ANKRD23: variants seen among roughly 807,000 people sequenced by gnomAD.
The protein encoded by ANKRD23 is ankyrin repeat domain 23.
A neutral mutation model predicts 38.1 loss-of-function variants in ANKRD23; 52 were observed. The ratio of observed to expected loss-of-function variants is 1.36; its 90% confidence interval spans 1.09 to 1.72. The LOEUF is 1.72. Ranked by LOEUF, ANKRD23 falls within the 40% of genes most tolerant of loss-of-function variation. The pLI is 0.00. For missense variants in ANKRD23, 416 were observed against 400.2 expected, an observed-to-expected ratio of 1.04 and a Z score of -0.34; for synonymous variants, 167 against 162.9, an observed-to-expected ratio of 1.03 and a Z score of -0.19.
chr2:96,839,567 A>T lies in ANKRD23; in HGVS notation c.900T>A (p.His300Gln), dbSNP rs775808923. The change falls in exon 9 of 9, where the codon CAT becomes CAA. Residue 300 changes from histidine to glutamine, a missense_variant. Coordinates refer to ENST00000318357, the MANE Select transcript of ANKRD23 (RefSeq NM_144994.8). ...IREALQAHVA[H>Q]PRTRC ...GCTGCGGTCAGCACCGGGTGCGGGG[A>T]TGCGCCACGTGGGCCTGCAGGGCCT... 4 of 1,463,228 alleles carry T rather than the reference A, an allele frequency of 2.7e-6. No individual in the cohort carries two copies. The highest frequency in any genetic ancestry group is 3.6e-6 in the Non-Finnish European group (4 of 1,111,550). The allele number at this position is 1,463,228 out of a possible 1,614,324, so 90.6% of individuals were successfully genotyped here.
At position 96,842,353 on chromosome 2, in the gene ANKRD23, C is replaced by T. The variant is rs1469128781; in HGVS notation, c.174+12G>A. On this transcript the variant is annotated intron_variant, in intron 2 of 8. Transcript: ENST00000318357. Reference sequence around the variant, plus strand: ...CCACTGCCCCCAACCCCGGCCCCCGCCCCTCTCTCACTTTCTTCTTCTTCT... The same window carrying T: ...CCACTGCCCCCAACCCCGGCCCCCGTCCCTCTCTCACTTTCTTCTTCTTCT... 3.8e-6 allele frequency: 6 copies of T among 1,596,892 alleles called. No individual in the cohort carries two copies. The African/African-American group carries it at 6.8e-5, about 18-fold the overall frequency.
At chr2:96,840,663 C>A in intron 4 of ANKRD23, 124 bp downstream of exon 4, 1 of 1,520,884 alleles carries the variant, frequency 6.6e-7, no homozygotes, top group East Asian at 2.3e-5. Flanking sequence ...TCTGCAGGTG[C>A]CACTGGATTC....
chr2:96,839,535 G>A lies in ANKRD23; in HGVS notation c.*14C>T. The A allele has an allele frequency of 7.0e-7, 1 of 1,430,974 alleles. No individual in the cohort carries two copies. Among genetic ancestry groups the A allele is most frequent in the South Asian group, 1.5e-5 (1 of 66,828 alleles). The allele number at this position is 1,430,974 out of a possible 1,614,324, so 88.6% of individuals were successfully genotyped here. A position where few individuals can be genotyped will look rare whatever the true frequency, so the allele number is the denominator to read the frequency against. Reference sequence around the variant, plus strand: ...GTGGCAGTGCGAAAGGCGCGGCGGGGGGCGGTGCTGCGGTCAGCACCGGGT... The same window carrying A: ...GTGGCAGTGCGAAAGGCGCGGCGGGAGGCGGTGCTGCGGTCAGCACCGGGT... On this transcript the variant is annotated 3_prime_UTR_variant, in exon 9 of 9. Coordinates refer to ENST00000318357, the MANE Select transcript of ANKRD23 (RefSeq NM_144994.8).
chr2:96,842,225 G>A, intron 2 of ANKRD23, 40 bp from the exon 3 acceptor site: 1 of 1,612,970 alleles, frequency 6.2e-7, no homozygotes, highest in East Asian at 2.2e-5. Flanking sequence ...ATCAGCCGCT[G>A]GTCAAGAGAT....
At position 96,840,062 on chromosome 2, in the gene ANKRD23, T is replaced by C; in HGVS notation, c.658A>G (p.Thr220Ala). The C allele has an allele frequency of 6.4e-7, 1 of 1,561,870 alleles. No individual in the cohort carries two copies. The highest frequency in any genetic ancestry group is 8.7e-7 in the Non-Finnish European group (1 of 1,152,522). ...GSTPLHVAVR[T>A]RHPDCLEHLI... Reference sequence around the variant, plus strand: ...TGCTCCAGGCAGTCGGGGTGCCGGGTGCGCACTGCCACGTGCAGGGGGGTG... The same window carrying C: ...TGCTCCAGGCAGTCGGGGTGCCGGGCGCGCACTGCCACGTGCAGGGGGGTG... The change falls in exon 7 of 9, where the codon ACC becomes GCC. Residue 220 changes from threonine to alanine, a missense_variant. Thr to Ala is a moderately conservative substitution (Grantham distance 58, BLOSUM62 0). Transcript: ENST00000318357.
At position 96,840,090 on chromosome 2, in the gene ANKRD23, C is replaced by T. The variant is rs997880916; in HGVS notation, c.630G>A (p.Gly210=). Reference sequence around the variant, plus strand: ...GCACTGCCACGTGCAGGGGGGTGCTCCCGATCTGAGAGCAAGTGGGGGTCA... The same window carrying T: ...GCACTGCCACGTGCAGGGGGGTGCTTCCGATCTGAGAGCAAGTGGGGGTCA... ...GARVNARDKI[G]STPLHVAVRT... The change falls in exon 7 of 9, where the codon GGG becomes GGA. Residue 210 remains glycine, a synonymous_variant. Transcript: ENST00000318357. 6.4e-7 allele frequency: 1 copy of T among 1,555,418 alleles called. No homozygotes were observed. The highest frequency in any genetic ancestry group is 1.7e-4 in the Middle Eastern group (1 of 5,988).
intron 3 of ANKRD23, 36 bp from the exon 4 acceptor site, chr2:96,840,948 A>C (rs1289586863): frequency 6.2e-7 from 1 of 1,607,082 alleles, no homozygotes; most frequent in South Asian, 1.1e-5. Context: ...ATCACTCCCG[A>C]AGGCCGCAGG....
rs1191398450 is a variant in ANKRD23, at chr2:96,838,362, C to T, written c.*1187G>A. The T allele has an allele frequency of 1.2e-5, 12 of 988,034 alleles. No homozygotes were observed. Among genetic ancestry groups the T allele is most frequent in the South Asian group, 4.7e-5 (1 of 21,378 alleles). 61.2% of individuals were successfully genotyped at this position (988,034 alleles called of 1,614,324 possible). ...CTTTCTGGCGTTTAGGGGCCCAGCCCCACCAGCAGTACAGGCCTACACCAG... is the reference window on the plus strand; with the variant it reads ...CTTTCTGGCGTTTAGGGGCCCAGCCTCACCAGCAGTACAGGCCTACACCAG... On this transcript the variant is annotated 3_prime_UTR_variant, in exon 9 of 9. Coordinates refer to ENST00000318357, the MANE Select transcript of ANKRD23 (RefSeq NM_144994.8).
intron 1 of ANKRD23, 28 bp from the exon 2 acceptor site, chr2:96,842,539 T>C: frequency 2.5e-6 from 4 of 1,588,676 alleles, no homozygotes; most frequent in South Asian, 2.3e-5. Flanking sequence ...GAGTACTGAG[T>C]TGGGAAAATT....
intron 3 of ANKRD23, 53 bp downstream of exon 3, chr2:96,842,007 C>G: frequency 6.2e-7 from 1 of 1,611,314 alleles, no homozygotes; most frequent in Non-Finnish European, 8.5e-7. Context: ...AGCCCTTCCT[C>G]TGGAACTGGA....
At position 96,839,324 on chromosome 2, in the gene ANKRD23, T is replaced by C. The variant is rs1574126519; in HGVS notation, c.*225A>G. 5 of 1,248,392 alleles carry C rather than the reference T, an allele frequency of 4.0e-6. No homozygotes were observed. In the East Asian group the frequency reaches 1.6e-4, roughly 39 times the overall value. The allele number at this position is 1,248,392 out of a possible 1,614,324, so 77.3% of individuals were successfully genotyped here. On this transcript the variant is annotated 3_prime_UTR_variant, in exon 9 of 9. Coordinates refer to ENST00000318357, the MANE Select transcript of ANKRD23 (RefSeq NM_144994.8). The stretch of plus-strand genomic sequence containing the variant: ...GCCTTGTGGTCCTCTGCTCCAGCCC[T>C]GGGAGGGAACGCGGCTCCCCTGACA...
At chr2:96,841,680 A>C (rs1263091054) in intron 3 of ANKRD23, among the ~76,000 whole-genome samples, 3 of 151,944 alleles carry the variant, frequency 2.0e-5, no homozygotes, top group Non-Finnish European at 4.4e-5. Context: ...CCCAGCAAAC[A>C]TGAAGGCAAT....
chr2:96,838,878 C>T lies in ANKRD23; in HGVS notation c.*671G>A, dbSNP rs1398561162. On this transcript the variant is annotated 3_prime_UTR_variant, in exon 9 of 9. Coordinates refer to ENST00000318357, the MANE Select transcript of ANKRD23 (RefSeq NM_144994.8). ...TCCTGGACTTCTGTTGCTGTGGGGC[C>T]TCAAACCTGTTGAGTAGCCACCTCA... 1.0e-6 allele frequency: 1 copy of T among 985,398 alleles called. No homozygotes were observed. The highest frequency in any genetic ancestry group is 1.2e-6 in the Non-Finnish European group (1 of 830,004). 61.0% of individuals were successfully genotyped at this position (985,398 alleles called of 1,614,324 possible). A position where few individuals can be genotyped will look rare whatever the true frequency, so the allele number is the denominator to read the frequency against.
chr2:96,841,439 A>G (rs548565914), intron 3 of ANKRD23, among the ~76,000 whole-genome samples: 3 of 152,002 alleles, frequency 2.0e-5, no homozygotes, highest in Admixed American at 6.6e-5. Flanking sequence ...TACTAAAAAT[A>G]CAAAAAAAAA....
chr2:96,842,104 G>C lies in ANKRD23; in HGVS notation c.256C>G (p.Leu86Val), dbSNP rs2153358862. ...ENLVQRRKKRLRHRVPPRKPE... is the reference protein window; with the variant it reads ...ENLVQRRKKRVRHRVPPRKPE... Reference sequence around the variant, plus strand: ...TTCCTGGGGGGGACTCTGTGTCTCAGTCGCTTTTTCCGTCTTTGAACCAAG... The same window carrying C: ...TTCCTGGGGGGGACTCTGTGTCTCACTCGCTTTTTCCGTCTTTGAACCAAG... Residue 86 changes from leucine to valine, a missense_variant, in exon 3 of 9, where the codon CTG (leucine) becomes GTG (valine). Coordinates refer to ENST00000318357, the MANE Select transcript of ANKRD23 (RefSeq NM_144994.8). 6.2e-7 allele frequency: 1 copy of C among 1,614,210 alleles called. No individual in the cohort carries two copies. Among genetic ancestry groups the C allele is most frequent in the East Asian group, 2.2e-5 (1 of 44,888 alleles).
At position 96,839,441 on chromosome 2, in the gene ANKRD23, G is replaced by C; in HGVS notation, c.*108C>G. The C allele has an allele frequency of 7.4e-7, 1 of 1,346,874 alleles. No homozygotes were observed. The highest frequency in any genetic ancestry group is 9.5e-7 in the Non-Finnish European group (1 of 1,055,070). 83.4% of individuals were successfully genotyped at this position (1,346,874 alleles called of 1,614,324 possible). A position where few individuals can be genotyped will look rare whatever the true frequency, so the allele number is the denominator to read the frequency against. On this transcript the variant is annotated 3_prime_UTR_variant, in exon 9 of 9. Transcript: ENST00000318357. The stretch of plus-strand genomic sequence containing the variant: ...CTGCTGAGGCGGCACAGGCCAGAGA[G>C]GGAGGAACCAGGGCTGAGGGCAGGA...
Position 96,839,020 on chromosome 2 carries a change from G to GCATC in ANKRD23, c.*525_*528dup. The GCATC allele has an allele frequency of 1.0e-6, 1 of 985,932 alleles. No individual in the cohort carries two copies. The highest frequency in any genetic ancestry group is 1.2e-6 in the Non-Finnish European group (1 of 830,352). The allele number at this position is 985,932 out of a possible 1,614,324, so 61.1% of individuals were successfully genotyped here. A position where few individuals can be genotyped will look rare whatever the true frequency, so the allele number is the denominator to read the frequency against. On this transcript the variant is annotated 3_prime_UTR_variant, in exon 9 of 9. Coordinates refer to ENST00000318357, the MANE Select transcript of ANKRD23 (RefSeq NM_144994.8). ...TCCCCAGAGAAAGCCATGCCCACAG[G>GCATC]CATCCACCAGCTGCAGACAGGCCCG... is the stretch of plus-strand genomic sequence containing the variant.
In ANKRD23 at chr2:96,838,585, AG is replaced by A; in HGVS notation, c.*963del. 2.0e-6 allele frequency: 2 copies of A among 985,794 alleles called. No homozygotes were observed. The highest frequency in any genetic ancestry group is 2.4e-6 in the Non-Finnish European group (2 of 830,264). 61.1% of individuals were successfully genotyped at this position (985,794 alleles called of 1,614,324 possible). On this transcript the variant is annotated 3_prime_UTR_variant, in exon 9 of 9. Coordinates refer to ENST00000318357, the MANE Select transcript of ANKRD23 (RefSeq NM_144994.8). Reference sequence around the variant, plus strand: ...GATCAAGCAGGGTGGGTGCAGCTGCAGCGTTCCAGGCAAGAGCTCAAGCTCC... The same window carrying A: ...GATCAAGCAGGGTGGGTGCAGCTGCACGTTCCAGGCAAGAGCTCAAGCTCC...
Position 96,838,352 on chromosome 2 carries a change from G to T in ANKRD23, c.*1197C>A. 1.0e-6 allele frequency: 1 copy of T among 987,944 alleles called. No homozygotes were observed. Among genetic ancestry groups the T allele is most frequent in the South Asian group, 4.7e-5 (1 of 21,372 alleles). 61.2% of individuals were successfully genotyped at this position (987,944 alleles called of 1,614,324 possible). On this transcript the variant is annotated 3_prime_UTR_variant, in exon 9 of 9. Transcript: ENST00000318357. ...TTAAGATTCACTTTCTGGCGTTTAG[G>T]GGCCCAGCCCCACCAGCAGTACAGG...
Sources: allele counts gnomAD v4.1 joint callset (sites outside exome capture counted in the v4.1 genomes callset), GRCh38; gene constraint gnomAD v4.1.1; transcripts MANE v1.5; gene names NCBI Gene and HGNC (gene_info 2026-07-23, HGNC 2026-07-21).